The following MGAM variants were observed in gnomAD, a reference collection of about 807,000 sequenced individuals.
The protein encoded by MGAM is alpha-1,4-glucosidase.
MGAM carries 253 observed loss-of-function variants against 358.8 expected under a neutral mutation model. The observed-to-expected ratio is 0.71, with a 90% CI of 0.64 to 0.78. The LOEUF (loss-of-function observed/expected upper bound fraction) is 0.78, where lower values mean the gene tolerates loss of function less well. Ranked by LOEUF, MGAM falls within the 30% of genes least tolerant of loss-of-function variation. The pLI, the probability that MGAM is intolerant of heterozygous loss-of-function variation, is 0.00. For missense variants in MGAM, 3,080 were observed against 3,432.6 expected, an observed-to-expected ratio of 0.90 and a Z score of 2.57; for synonymous variants, 1,105 against 1,227.1, an observed-to-expected ratio of 0.90 and a Z score of 2.08.
intron 30 of MGAM, 131 bp downstream of exon 30, chr7:142,057,073 G>A (rs1412914386): frequency 2.4e-5 from 19 of 800,084 alleles, no homozygotes; most frequent in Non-Finnish European, 3.4e-5. Context: ...ATTATAGAAT[G>A]AGAAAAAATA....
Position 142,067,399 on chromosome 7 carries a change from T to C in MGAM, c.4978T>C (p.Phe1660Leu). 1 of 1,552,152 alleles carries C rather than the reference T, an allele frequency of 6.4e-7. No homozygotes were observed. The highest frequency in any genetic ancestry group is 1.1e-5 in the South Asian group (1 of 89,036). The change falls in exon 42 of 71, where the codon TTC becomes CTC. Residue 1660 changes from phenylalanine to leucine, a missense_variant. Coordinates refer to ENST00000475668, the MANE Select transcript of MGAM (RefSeq NM_001365693.1). ...IDSQFLLGPAFLVSPVLERNA... is the reference protein window; with the variant it reads ...IDSQFLLGPALLVSPVLERNA... ...CAGTCAGTTCCTGCTGGGCCCAGCC[T>C]TCCTGGTCAGCCCTGTCCTGGAGCG...
intron 21 of MGAM, among the ~76,000 whole-genome samples, chr7:142,042,106 A>G (rs1362592210): frequency 2.6e-5 from 2 of 75,502 alleles, no homozygotes; most frequent in Non-Finnish European, 4.6e-5. Context: ...ATATACATAT[A>G]ATATATAATA....
At position 142,052,962 on chromosome 7, in the gene MGAM, A is replaced by C; in HGVS notation, c.3137A>C (p.Lys1046Thr). Residue 1046 changes from lysine (K) to threonine (T), a missense_variant, in exon 26 of 71, where the codon AAG becomes ACG. This residue lies in a region of MGAM where 1,816 missense variants were observed against 1,840.5 expected (regional missense o/e 0.99). Coordinates refer to ENST00000475668, the MANE Select transcript of MGAM (RefSeq NM_001365693.1). ...NPLRLDVTYHKNEMLQFKIYD... is the reference protein window; with the variant it reads ...NPLRLDVTYHTNEMLQFKIYD... ...CTTCGCCTGGATGTCACTTACCATA[A>C]GAATGAAATGCTGCAGTTCAAGGTA... 6.2e-7 allele frequency: 1 copy of C among 1,613,888 alleles called. No homozygotes were observed.
chr7:142,036,116 G>A, intron 16 of MGAM, 53 bp from the exon 17 acceptor site: 1 of 1,311,646 alleles, frequency 7.6e-7, no homozygotes. Flanking sequence ...GGAAAGCAAA[G>A]GAGGGTGGTT....
intron 3 of MGAM, 74 bp from the exon 4 acceptor site, chr7:142,019,125 T>C: frequency 5.4e-6 from 8 of 1,473,564 alleles, no homozygotes; most frequent in Non-Finnish European, 7.4e-6. Flanking sequence ...AGTCTCAAAT[T>C]AGATGTTTCG....
chr7:142,041,972 A>ATATATATAATATAATATATATATAT (rs1808748098), intron 21 of MGAM, among the ~76,000 whole-genome samples: 3 of 22,934 alleles, frequency 1.3e-4, no homozygotes, highest in Non-Finnish European at 2.4e-4. Flanking sequence ...TATATATATT[A>ATATATATAATATAATATATATATAT]TATATATATA....
At chr7:142,016,878 C>A (rs938573043) in intron 3 of MGAM, among the ~76,000 whole-genome samples, 6 of 152,210 alleles carry the variant, frequency 3.9e-5, no homozygotes, top group Non-Finnish European at 7.3e-5. Context: ...AGAGCCACTG[C>A]ACCCAGCTGG....
At chr7:142,000,943 C>T (rs1554450423) in intron 1 of MGAM, among the ~76,000 whole-genome samples, 1 of 152,154 alleles carries the variant, frequency 6.6e-6, no homozygotes, top group Non-Finnish European at 1.5e-5. Flanking sequence ...TTATAAAAAG[C>T]AATCTCACAT....
At position 142,022,343 on chromosome 7, in the gene MGAM, C is replaced by T. The variant is rs372476144; in HGVS notation, c.786C>T (p.Asn262=). 49 of 1,613,500 alleles carry T rather than the reference C, an allele frequency of 3.0e-5. 1 individual carries two copies. The East Asian group carries it at 3.3e-4, about 11-fold the overall frequency. ...LQLSTRLPST[N]VYGLGEHVHQ... ...TCTCCACTCGACTGCCTAGCACTAACGTGTATGGCCTGGGAGAGCATGTGC... is the reference window on the plus strand; with the variant it reads ...TCTCCACTCGACTGCCTAGCACTAATGTGTATGGCCTGGGAGAGCATGTGC... The change falls in exon 7 of 71, where the codon AAC becomes AAT. Residue 262 remains asparagine (N), a synonymous_variant. Coordinates refer to ENST00000475668, the MANE Select transcript of MGAM (RefSeq NM_001365693.1).
At chr7:142,018,635 C>T (rs1806157490) in intron 3 of MGAM, among the ~76,000 whole-genome samples, 1 of 152,160 alleles carries the variant, frequency 6.6e-6, no homozygotes, top group Non-Finnish European at 1.5e-5. Context: ...TTAGAAGGCA[C>T]ACACCTTTCT....
At chr7:142,096,234 T>A (rs1815892179) in intron 64 of MGAM, 97 bp from the exon 65 acceptor site, 1 of 1,190,546 alleles carries the variant, frequency 8.4e-7, no homozygotes, top group Non-Finnish European at 1.2e-6. Flanking sequence ...CAGGGGCAGC[T>A]GTATTTCCGA....
chr7:142,094,348 T>G lies in MGAM; in HGVS notation c.7173-16T>G, dbSNP rs776208659. ...TGGCGGTGCCCTCAGTTCACCTCCT[T>G]TTCCCCTCCAACCAGAGCCGTGCAG... is the stretch of plus-strand genomic sequence containing the variant. On this transcript the variant is annotated splice_polypyrimidine_tract_variant and intron_variant, in intron 60 of 70. Coordinates refer to ENST00000475668, the MANE Select transcript of MGAM (RefSeq NM_001365693.1). The G allele has an allele frequency of 4.6e-6, 7 of 1,507,668 alleles. No individual in the cohort carries two copies. In the African/African-American group the frequency reaches 5.5e-5, roughly 12 times the overall value. The allele number at this position is 1,507,668 out of a possible 1,614,324, so 93.4% of individuals were successfully genotyped here.
intron 18 of MGAM, 76 bp downstream of exon 18, chr7:142,037,053 G>A (rs1808057734): frequency 9.1e-6 from 13 of 1,430,790 alleles, no homozygotes; most frequent in Non-Finnish European, 1.3e-5. Flanking sequence ...ATATCAGAGT[G>A]AAAACTGAAA....
intron 21 of MGAM, among the ~76,000 whole-genome samples, chr7:142,045,326 A>T (rs1214687182): frequency 2.8e-5 from 3 of 107,112 alleles, no homozygotes; most frequent in South Asian, 2.5e-4. Context: ...AATATATGAT[A>T]TATAATATAT....
At chr7:142,005,951 T>C (rs2128982925) in intron 2 of MGAM, among the ~76,000 whole-genome samples, 1 of 152,112 alleles carries the variant, frequency 6.6e-6, no homozygotes, top group Middle Eastern at 3.4e-3. Flanking sequence ...TAATTAACAA[T>C]ACCCTTATGT....
intron 3 of MGAM, among the ~76,000 whole-genome samples, chr7:142,013,769 C>G (rs1395319828): frequency 3.3e-5 from 5 of 152,142 alleles, no homozygotes; most frequent in Admixed American, 1.3e-4. Flanking sequence ...TAGGTTTTTT[C>G]TGGTTCTTCT....
chr7:142,061,638 C>T (rs7810984), intron 34 of MGAM, among the ~76,000 whole-genome samples: 22,311 of 152,128 alleles, frequency 0.15, 3,155 homozygotes, highest in East Asian at 0.46. Context: ...CCACCCTCCT[C>T]ACCAGCATTC....
chr7:142,065,966 TTG>T, intron 40 of MGAM, 135 bp downstream of exon 40: 6 of 755,524 alleles, frequency 7.9e-6, no homozygotes, highest in African/African-American at 2.2e-5. Context: ...TTGTTTTGTT[TTG>T]TTTTTTTTTT....
chr7:142,088,818 G>C (rs62640513), intron 57 of MGAM, among the ~76,000 whole-genome samples: 69,076 of 117,928 alleles, frequency 0.59, 21,726 homozygotes, highest in African/African-American at 0.7. Context: ...TCCTATCTAT[G>C]TACCATCTAT....
Sources: allele counts gnomAD v4.1 joint callset (sites outside exome capture counted in the v4.1 genomes callset), GRCh38; gene constraint gnomAD v4.1.1; regional missense constraint gnomAD v4.1.1; transcripts MANE v1.5; gene names NCBI Gene and HGNC (gene_info 2026-07-23, HGNC 2026-07-21).